DLGAP2: variants seen among roughly 807,000 people sequenced by gnomAD.
The protein encoded by DLGAP2 is DLG associated protein 2.
Under a neutral mutation model 100.3 loss-of-function variants are expected in DLGAP2, and 26 were observed. The ratio of observed to expected loss-of-function variants is 0.26; its 90% CI spans 0.19 to 0.36. DLGAP2 has a LOEUF of 0.36. DLGAP2 is among the 10% of genes least tolerant of loss of function. The pLI is 1.00. For synonymous variants in DLGAP2, 886 were observed against 630.1 expected, an observed-to-expected ratio of 1.41 and a Z score of -6.08; for missense variants, 1,858 against 1,453.2, an observed-to-expected ratio of 1.28 and a Z score of -4.53.
chr8:1,167,184 A>C (rs891243735), intron 2 of DLGAP2, among the ~76,000 whole-genome samples: 10 of 152,186 alleles, frequency 6.6e-5, no homozygotes, highest in African/African-American at 2.4e-4. Context: ...CCTGACTTAC[A>C]TGACCGAAAA....
intron 1 of DLGAP2, among the ~76,000 whole-genome samples, chr8:794,916 G>C (rs1482655833): frequency 6.6e-6 from 1 of 152,204 alleles, no homozygotes; most frequent in Non-Finnish European, 1.5e-5. Flanking sequence ...GCGTGAGTGA[G>C]GTTGGGATGA....
At chr8:1,376,725 CCGG>C (rs1802398990) in intron 3 of DLGAP2, among the ~76,000 whole-genome samples, 1 of 148,204 alleles carries the variant, frequency 6.7e-6, no homozygotes, top group Non-Finnish European at 1.5e-5. Flanking sequence ...CAACCTGAGC[CCGG>C]TGGGATGTGT....
intron 4 of DLGAP2, among the ~76,000 whole-genome samples, chr8:1,516,367 A>ATGAG (rs368408754): frequency 4.3e-5 from 6 of 139,312 alleles, no homozygotes; most frequent in African/African-American, 1.6e-4. Context: ...GAGGGAGTGA[A>ATGAG]TGAGTGAGTG....
chr8:970,565 A>G (rs1467450912), intron 2 of DLGAP2, among the ~76,000 whole-genome samples: 1 of 152,236 alleles, frequency 6.6e-6, no homozygotes, highest in Non-Finnish European at 1.5e-5. Context: ...ATGAGGGATT[A>G]GATTTTGTAA....
At chr8:1,126,941 G>A (rs1362808463) in intron 2 of DLGAP2, among the ~76,000 whole-genome samples, 4 of 151,584 alleles carry the variant, frequency 2.6e-5, no homozygotes, top group Non-Finnish European at 4.4e-5. Flanking sequence ...GCCTTATGAG[G>A]GACCCCCAAC....
chr8:1,655,070 T>C (rs910281260), intron 8 of DLGAP2, among the ~76,000 whole-genome samples: 4 of 152,220 alleles, frequency 2.6e-5, no homozygotes, highest in African/African-American at 9.6e-5. Context: ...GAGACTATAA[T>C]TTCTTGCTAA....
chr8:833,141 G>A (rs1334971573), intron 1 of DLGAP2, among the ~76,000 whole-genome samples: 1 of 152,144 alleles, frequency 6.6e-6, no homozygotes, highest in Non-Finnish European at 1.5e-5. Flanking sequence ...AAAAATGGCA[G>A]ACATATGATT....
At chr8:905,588 G>T (rs62486401) in intron 1 of DLGAP2, among the ~76,000 whole-genome samples, 32,694 of 152,058 alleles carry the variant, frequency 0.22, 4,551 homozygotes, top group Non-Finnish European at 0.3. Flanking sequence ...TGGAGTGAGG[G>T]CCCTGCCTGT....
chr8:978,393 C>T (rs79293170), intron 2 of DLGAP2, among the ~76,000 whole-genome samples: 1,005 of 2,554 alleles, frequency 0.39, 221 homozygotes, highest in African/African-American at 0.77. Flanking sequence ...TGCTGCGTTC[C>T]GGTCTTTGGT....
intron 1 of DLGAP2, among the ~76,000 whole-genome samples, chr8:848,324 C>T (rs564665303): frequency 2.0e-4 from 31 of 151,930 alleles, no homozygotes; most frequent in Admixed American, 4.6e-4. Flanking sequence ...AGTATAGGAT[C>T]GTGCGGTGCG....
At chr8:1,675,143 T>G (rs1440971966) in intron 10 of DLGAP2, among the ~76,000 whole-genome samples, 3 of 152,266 alleles carry the variant, frequency 2.0e-5, no homozygotes, top group Non-Finnish European at 4.4e-5. Context: ...GGACCGCTTC[T>G]GCGCCTGTCT....
At chr8:1,104,491 T>C (rs574581323) in intron 2 of DLGAP2, among the ~76,000 whole-genome samples, 1 of 152,316 alleles carries the variant, frequency 6.6e-6, no homozygotes, top group East Asian at 1.9e-4. Context: ...GGTGGGCGTG[T>C]AAAACCACGA....
intron 1 of DLGAP2, among the ~76,000 whole-genome samples, chr8:755,305 T>G (rs1200378757): frequency 6.6e-6 from 1 of 152,032 alleles, no homozygotes; most frequent in Non-Finnish European, 1.5e-5. Context: ...CAAAAAATAC[T>G]CAAATTATTA....
chr8:1,517,046 A>G (rs1800417046), intron 4 of DLGAP2, among the ~76,000 whole-genome samples: 1 of 152,190 alleles, frequency 6.6e-6, no homozygotes, highest in African/African-American at 2.4e-5. Context: ...CGCGGTCACC[A>G]GGAATCGAGG....
intron 3 of DLGAP2, among the ~76,000 whole-genome samples, chr8:1,294,813 G>A (rs1241750137): frequency 1.3e-5 from 2 of 151,374 alleles, no homozygotes; most frequent in Non-Finnish European, 2.9e-5. Flanking sequence ...AGGTTGCAGT[G>A]AGCTGAGATT....
intron 2 of DLGAP2, among the ~76,000 whole-genome samples, chr8:953,218 G>A (rs902380914): frequency 4.0e-5 from 6 of 151,490 alleles, no homozygotes; most frequent in African/African-American, 1.5e-4. Context: ...TTTTTGAGAT[G>A]GAGTTTCGCT....
chr8:829,782 C>T (rs566950170), intron 1 of DLGAP2, among the ~76,000 whole-genome samples: 41 of 152,234 alleles, frequency 2.7e-4, no homozygotes, highest in Non-Finnish European at 4.4e-4. Flanking sequence ...TTTATATTAA[C>T]GAAAATTGAT....
chr8:936,592 G>T (rs1287283390), intron 2 of DLGAP2, among the ~76,000 whole-genome samples: 5 of 152,172 alleles, frequency 3.3e-5, no homozygotes, highest in African/African-American at 1.2e-4. Flanking sequence ...CACGACTGAG[G>T]CACACCAGGC....
At chr8:1,237,682 A>G (rs1798694871) in intron 2 of DLGAP2, among the ~76,000 whole-genome samples, 1 of 118,404 alleles carries the variant, frequency 8.4e-6, no homozygotes, top group Non-Finnish European at 1.8e-5. Flanking sequence ...TCTCTCTCAC[A>G]TGGCACCGTG....
Sources: gnomAD v4.1 joint callset for allele counts (sites outside exome capture counted in the v4.1 genomes callset) on GRCh38, gnomAD v4.1.1 for gene constraint, MANE v1.5 for transcripts, NCBI Gene and HGNC (gene_info 2026-07-23, HGNC 2026-07-21) for gene names.